The following DPYD variants were observed in gnomAD, a reference collection of about 807,000 sequenced individuals.
DPYD encodes dihydropyrimidine dehydrogenase.
In DPYD, 109 loss-of-function variants were observed where a neutral mutation model predicts 116.2. The observed-to-expected ratio is 0.94, with a 90% CI of 0.80 to 1.10. DPYD has a LOEUF of 1.10. Among genes scored for constraint, DPYD ranks in the 50% least tolerant of loss-of-function variants. The pLI, the probability that DPYD is intolerant of heterozygous loss-of-function variation, is 0.00. For synonymous variants in DPYD, 440 were observed against 432.0 expected (o/e 1.02, Z -0.23); for missense variants, 1,302 against 1,254.5 (o/e 1.04, Z -0.57).
At chr1:97,690,546 T>C (rs1326284673) in intron 7 of DPYD, among the ~76,000 whole-genome samples, 2 of 152,046 alleles carry the variant, frequency 1.3e-5, no homozygotes, top group African/African-American at 4.8e-5. Flanking sequence ...ACATTTCCCA[T>C]GTCTTTGTGT....
intron 10 of DPYD, among the ~76,000 whole-genome samples, chr1:97,587,700 G>C (rs1236610095): frequency 6.6e-6 from 1 of 151,494 alleles, no homozygotes; most frequent in Non-Finnish European, 1.5e-5. Flanking sequence ...GGTGGTGGGC[G>C]CCTGTAGTCC....
At chr1:97,272,487 T>C (rs894444695) in intron 18 of DPYD, among the ~76,000 whole-genome samples, 1 of 152,146 alleles carries the variant, frequency 6.6e-6, no homozygotes, top group Non-Finnish European at 1.5e-5. Context: ...GTATTTAAAG[T>C]ACAGATTTAA....
At chr1:97,230,724 G>T (rs1661535286) in intron 19 of DPYD, among the ~76,000 whole-genome samples, 1 of 152,138 alleles carries the variant, frequency 6.6e-6, no homozygotes, top group Non-Finnish European at 1.5e-5. Flanking sequence ...ATGTGGCGTG[G>T]GTCTAAGGGT....
At chr1:97,670,279 T>C (rs1238158247) in intron 8 of DPYD, among the ~76,000 whole-genome samples, 2 of 152,140 alleles carry the variant, frequency 1.3e-5, no homozygotes, top group African/African-American at 2.4e-5. Flanking sequence ...CAAAACATCA[T>C]GATGATCCTA....
chr1:97,287,374 G>T (rs1665771189), intron 18 of DPYD, among the ~76,000 whole-genome samples: 1 of 152,180 alleles, frequency 6.6e-6, no homozygotes, highest in African/African-American at 2.4e-5. Context: ...TCGGGGGTCA[G>T]GGGTCAGGCA....
intron 20 of DPYD, among the ~76,000 whole-genome samples, chr1:97,108,050 G>T (rs1468123764): frequency 6.6e-6 from 1 of 152,066 alleles, no homozygotes; most frequent in African/African-American, 2.4e-5. Flanking sequence ...CAGGTGAAAG[G>T]CCAGGGTGTT....
At chr1:97,328,715 A>G (rs1304787818) in intron 16 of DPYD, among the ~76,000 whole-genome samples, 2 of 152,138 alleles carry the variant, frequency 1.3e-5, no homozygotes, top group African/African-American at 4.8e-5. Context: ...ATATCCTACT[A>G]GAAAAGGGAA....
intron 2 of DPYD, among the ~76,000 whole-genome samples, chr1:97,859,597 C>CCTAT (rs1272943451): frequency 6.6e-6 from 1 of 152,106 alleles, no homozygotes; most frequent in East Asian, 1.9e-4. Context: ...CTTGGTAAAC[C>CCTAT]CTATGTGTCC....
In DPYD at chr1:97,518,187, A is replaced by ACG. The variant is rs1491462795; in HGVS notation, c.1525-2247_1525-2246insCG. On this transcript the variant is annotated intron_variant, in intron 12 of 22. Coordinates refer to ENST00000370192, the MANE Select transcript of DPYD (RefSeq NM_000110.4). ...ACAACAAAGCAAACAATAATAAAAT[A>ACG]CACACACACACACACAGACACAATT... Among the ~76,000 whole-genome samples the ACG allele has an allele frequency of 2.7e-5, 2 of 75,042 alleles. 1 individual carries two copies. The highest frequency in any genetic ancestry group is 1.5e-3 in the East Asian group (2 of 1,308). The allele number at this position is 75,042 out of a possible 152,430, so 49.2% of individuals were successfully genotyped here.
chr1:97,575,436 C>T (rs916483919), intron 10 of DPYD, among the ~76,000 whole-genome samples: 1 of 151,922 alleles, frequency 6.6e-6, no homozygotes, highest in African/African-American at 2.4e-5. Flanking sequence ...TAAAGATACT[C>T]CCAAAAAGGG....
intron 20 of DPYD, among the ~76,000 whole-genome samples, chr1:97,185,323 CTG>C (rs1039811605): frequency 2.0e-5 from 3 of 152,048 alleles, no homozygotes; most frequent in Admixed American, 1.3e-4. Flanking sequence ...ACTAAAAAGA[CTG>C]AGAATATCAA....
chr1:97,147,736 C>A (rs150166297), intron 20 of DPYD, among the ~76,000 whole-genome samples: 154 of 152,316 alleles, frequency 1.0e-3, no homozygotes, highest in Middle Eastern at 3.4e-3. Context: ...TCCTCTACGT[C>A]CTTAGCCCAT....
intron 13 of DPYD, among the ~76,000 whole-genome samples, chr1:97,455,187 A>T (rs1188021576): frequency 6.6e-6 from 1 of 151,858 alleles, no homozygotes; most frequent in Non-Finnish European, 1.5e-5. Flanking sequence ...AGTACTAGTG[A>T]TATATAATTA....
At chr1:97,572,766 A>T (rs961378108) in intron 11 of DPYD, among the ~76,000 whole-genome samples, 2 of 152,038 alleles carry the variant, frequency 1.3e-5, no homozygotes, top group Admixed American at 6.6e-5. Flanking sequence ...AAACATCTGG[A>T]TGTTTCCACA....
intron 20 of DPYD, among the ~76,000 whole-genome samples, chr1:97,184,677 A>G (rs993554922): frequency 1.3e-5 from 2 of 152,046 alleles, no homozygotes; most frequent in Non-Finnish European, 2.9e-5. Context: ...TTTAATTTCC[A>G]GTTCATTGTT....
chr1:97,503,169 T>A (rs1038010665), intron 13 of DPYD, among the ~76,000 whole-genome samples: 1 of 152,068 alleles, frequency 6.6e-6, no homozygotes, highest in East Asian at 1.9e-4. Flanking sequence ...AATATTTGTA[T>A]ACATTTTATT....
At position 97,740,312 on chromosome 1, in the gene DPYD, G is replaced by A. The variant is rs1571279762; in HGVS notation, c.321+80C>T. ...GGTTTAACTGGATTTGCTAAGACAAGCTGTATTCTGTACCCACAGATAATA... is the reference window on the plus strand; with the variant it reads ...GGTTTAACTGGATTTGCTAAGACAAACTGTATTCTGTACCCACAGATAATA... On this transcript the variant is annotated intron_variant, in intron 4 of 22. Transcript: ENST00000370192. 4.2e-6 allele frequency: 5 copies of A among 1,196,514 alleles called. No individual in the cohort carries two copies. The East Asian group carries it at 1.2e-4, about 28-fold the overall frequency. 74.1% of individuals were successfully genotyped at this position (1,196,514 alleles called of 1,614,324 possible).
At chr1:97,249,200 T>C (rs1662918338) in intron 18 of DPYD, among the ~76,000 whole-genome samples, 1 of 152,168 alleles carries the variant, frequency 6.6e-6, no homozygotes, top group Non-Finnish European at 1.5e-5. Flanking sequence ...TTGCTTTAAA[T>C]TTATAGTAAT....
At chr1:97,894,661 G>A (rs865889788) in intron 1 of DPYD, among the ~76,000 whole-genome samples, 2 of 151,274 alleles carry the variant, frequency 1.3e-5, no homozygotes, top group African/African-American at 4.8e-5. Context: ...AATTTAAACA[G>A]CAAAACATTA....
Sources: gnomAD v4.1 joint callset for allele counts (sites outside exome capture counted in the v4.1 genomes callset) on GRCh38, gnomAD v4.1.1 for gene constraint, MANE v1.5 for transcripts, NCBI Gene and HGNC (gene_info 2026-07-23, HGNC 2026-07-21) for gene names.